The following SRCIN1 variants were observed in gnomAD, a reference collection of about 807,000 sequenced individuals.
The protein encoded by SRCIN1 is P130Cas-associated protein.
A neutral mutation model predicts 116.2 loss-of-function variants in SRCIN1; 50 were observed. The ratio of observed to expected loss-of-function variants is 0.43; its 90% CI spans 0.34 to 0.54. The LOEUF is 0.54. SRCIN1 is among the 20% of genes least tolerant of loss of function. The probability of loss-of-function intolerance (pLI) is 0.02; values close to 1 mark genes in which losing one functional copy is unlikely to be tolerated. For missense variants in SRCIN1, 1,446 were observed against 1,672.0 expected, an observed-to-expected ratio of 0.86 and a Z score of 2.36; for synonymous variants, 736 against 750.0, an observed-to-expected ratio of 0.98 and a Z score of 0.30.
chr17:38,581,970 A>C (rs577187355), intron 1 of SRCIN1, among the ~76,000 whole-genome samples: 2 of 152,040 alleles, frequency 1.3e-5, no homozygotes, highest in East Asian at 1.9e-4. Flanking sequence ...GAAGGAGGGG[A>C]CCCTCTGAGG....
In SRCIN1 at chr17:38,559,724, G is replaced by T; in HGVS notation, c.1886C>A (p.Pro629Gln). 6.4e-7 allele frequency: 1 copy of T among 1,563,490 alleles called. No homozygotes were observed. The highest frequency in any genetic ancestry group is 2.3e-5 in the East Asian group (1 of 43,302). The change falls in exon 10 of 19, where the codon CCG (proline) becomes CAG (glutamine). Residue 629 changes from proline (P) to glutamine (Q), a missense_variant. By Grantham distance (76) the Pro-to-Gln change is moderately conservative. Around this residue, in one of 5 missense-constraint regions of SRCIN1, gnomAD observed 398 missense variants for 385.6 expected, o/e 1.03. Transcript: ENST00000617146. ...GGTGCTGCTGGCCGAGGGCGGGGGC[G>T]GGCCGGACACCGGGGTGGCCCCGCT... ...RSSGATPVSG[P>Q]PPPSASSTPA...
rs771351337 is a variant in SRCIN1 at position 38,560,044 on chromosome 17, GT to G, written c.1837+9del. The G allele has an allele frequency of 6.4e-7, 1 of 1,553,684 alleles. No homozygotes were observed. The highest frequency in any genetic ancestry group is 2.4e-5 in the East Asian group (1 of 41,472). On this transcript the variant is annotated intron_variant, in intron 9 of 18. Coordinates refer to ENST00000617146, the MANE Select transcript of SRCIN1 (RefSeq NM_025248.3). The stretch of plus-strand genomic sequence containing the variant: ...GAGAACAAGGATGGGGGAGGGGGAG[GT>G]TCACTCACGTGCTGAGGGGGTGGCT...
chr17:38,552,325 G>T lies in SRCIN1; in HGVS notation c.2480+122C>A. ...GCAGGGGTCACAGGGCAGAGCTGAG[G>T]TGCCAGTCCAGTCGGCACGCCAGTG... On this transcript the variant is annotated intron_variant, in intron 13 of 18. Coordinates refer to ENST00000617146, the MANE Select transcript of SRCIN1 (RefSeq NM_025248.3). This position sits in a 1 kb window ranked among gnomAD's most constrained non-coding sequence, Gnocchi z 5.3. 1 of 1,441,018 alleles carries T rather than the reference G, an allele frequency of 6.9e-7. No homozygotes were observed. The highest frequency in any genetic ancestry group is 9.2e-7 in the Non-Finnish European group (1 of 1,083,900). 89.3% of individuals were successfully genotyped at this position (1,441,018 alleles called of 1,614,324 possible).
chr17:38,605,849 G>T lies in SRCIN1; in HGVS notation c.-144C>A. 3 of 168,382 alleles carry T rather than the reference G, an allele frequency of 1.8e-5. No homozygotes were observed. Among genetic ancestry groups the T allele is most frequent in the Non-Finnish European group, 1.2e-5 (1 of 85,432 alleles). The allele number at this position is 168,382 out of a possible 1,614,324, so 10.4% of individuals were successfully genotyped here. On this transcript the variant is annotated 5_prime_UTR_variant, in exon 1 of 19. Coordinates refer to ENST00000617146, the MANE Select transcript of SRCIN1 (RefSeq NM_025248.3). ...CGGGGGCGCGGGCCCCGCCGGGGTG[G>T]ACCAGCTGGGAGGGCGCCGGCGGCC... is the stretch of plus-strand genomic sequence containing the variant.
chr17:38,593,915 A>G (rs1170276801), intron 1 of SRCIN1, among the ~76,000 whole-genome samples: 3 of 152,110 alleles, frequency 2.0e-5, no homozygotes, highest in African/African-American at 7.2e-5. Context: ...CTTTTCCAAA[A>G]CCCATCCACA....
Position 38,558,661 on chromosome 17 carries a change from A to G in SRCIN1, c.2026-259T>C, listed in dbSNP as rs1905979015. On this transcript the variant is annotated intron_variant, in intron 10 of 18. Transcript: ENST00000617146. This position sits in a 1 kb window ranked among gnomAD's most constrained non-coding sequence, Gnocchi z 4.6. The stretch of plus-strand genomic sequence containing the variant: ...AGGAGAACGGATGGGGATCGTGGAG[A>G]GGGGAGCGTTAAAATGGGCCATGCA... 6.6e-6 allele frequency among the ~76,000 whole-genome samples: 1 copy of G among 151,006 alleles called. No homozygotes were observed. The highest frequency in any genetic ancestry group is 6.6e-5 in the Admixed American group (1 of 15,230).
rs1246531420 is a variant in SRCIN1, at chr17:38,551,147, C to A, written c.2962+8G>T. ...TGGGCTCCTTACCAGCCCTACTACT[C>A]CCCATACCTGAGCCCCTCCTCCCAC... is the stretch of plus-strand genomic sequence containing the variant. On this transcript the variant is annotated splice_region_variant and intron_variant, in intron 15 of 18. Transcript: ENST00000617146. 4 of 1,448,494 alleles carry A rather than the reference C, an allele frequency of 2.8e-6. No homozygotes were observed. The highest frequency in any genetic ancestry group is 3.8e-6 in the Non-Finnish European group (4 of 1,059,370). The allele number at this position is 1,448,494 out of a possible 1,614,324, so 89.7% of individuals were successfully genotyped here. A position where few individuals can be genotyped will look rare whatever the true frequency, so the allele number is the denominator to read the frequency against.
Position 38,558,161 on chromosome 17 carries a change from G to C in SRCIN1, c.2201+66C>G, listed in dbSNP as rs1038603779. The C allele has an allele frequency of 3.3e-5, 51 of 1,567,202 alleles. No individual in the cohort carries two copies. The highest frequency in any genetic ancestry group is 4.3e-5 in the Non-Finnish European group (49 of 1,151,216). ...AGGGAAGGGAGCTGCGCCTCCCAGG[G>C]AAACCAGGTTGCGGGTCACTCCAGC... is the stretch of plus-strand genomic sequence containing the variant. On this transcript the variant is annotated intron_variant, in intron 11 of 18. Transcript: ENST00000617146. The surrounding 1 kb of genome is among the most constrained non-coding windows in gnomAD (Gnocchi z 4.6).
At chr17:38,541,488 C>T (rs1280787736) in intron 18 of SRCIN1, 3 of 152,092 alleles carry the variant, frequency 2.0e-5, no homozygotes, top group East Asian at 3.9e-4. Context: ...CACACGCATT[C>T]GAGGAGCCTG....
At chr17:38,574,343 G>A (rs1020871250) in intron 2 of SRCIN1, among the ~76,000 whole-genome samples, 5 of 152,236 alleles carry the variant, frequency 3.3e-5, no homozygotes, top group Non-Finnish European at 5.9e-5. Flanking sequence ...GCCTGATGAG[G>A]AAGAGGGGAA....
intron 1 of SRCIN1, among the ~76,000 whole-genome samples, chr17:38,590,047 T>A (rs948438501): frequency 3.3e-5 from 5 of 152,096 alleles, no homozygotes; most frequent in Non-Finnish European, 7.4e-5. Flanking sequence ...AGCTCTCCCA[T>A]CAGAGCAGCA....
Position 38,558,551 on chromosome 17 carries a change from CG to C in SRCIN1, c.2026-150del, listed in dbSNP as rs1045564229. ...TGCTTGGCTCCGCCTCAGGCAGCAG[CG>C]AAGGGGTGGGATGGCGAAGGGCAGG... On this transcript the variant is annotated intron_variant, in intron 10 of 18. Coordinates refer to ENST00000617146, the MANE Select transcript of SRCIN1 (RefSeq NM_025248.3). This position sits in a 1 kb window ranked among gnomAD's most constrained non-coding sequence, Gnocchi z 4.6. 3.7e-6 allele frequency: 3 copies of C among 816,422 alleles called. No homozygotes were observed. In the African/African-American group the frequency reaches 5.5e-5, roughly 15 times the overall value. 50.6% of individuals were successfully genotyped at this position (816,422 alleles called of 1,614,324 possible). A position where few individuals can be genotyped will look rare whatever the true frequency, so the allele number is the denominator to read the frequency against.
At chr17:38,581,447 T>G (rs1034581914) in intron 1 of SRCIN1, among the ~76,000 whole-genome samples, 2 of 145,492 alleles carry the variant, frequency 1.4e-5, no homozygotes, top group African/African-American at 5.1e-5. Flanking sequence ...AAAAAAAGTG[T>G]GAGCCACCAC....
chr17:38,535,082 T>C (rs948135538), intron 18 of SRCIN1, among the ~76,000 whole-genome samples: 2 of 152,102 alleles, frequency 1.3e-5, no homozygotes, highest in Admixed American at 1.3e-4. Context: ...CAGTGAGCCA[T>C]GACTGCACCA....
chr17:38,536,408 GCAAGGCAGAAACCTCACACATGT>G (rs1904382404), intron 18 of SRCIN1, among the ~76,000 whole-genome samples: 2 of 152,352 alleles, frequency 1.3e-5, no homozygotes, highest in Admixed American at 1.3e-4. Context: ...TACCTTCGTG[GCAAGGCAGAAACCTCACACATGT>G]CCAGCTTTCA....
chr17:38,566,832 C>T (rs1906712872), intron 3 of SRCIN1, among the ~76,000 whole-genome samples: 1 of 140,894 alleles, frequency 7.1e-6, no homozygotes, highest in African/African-American at 2.8e-5. Context: ...GAACATGCAT[C>T]CTCTCGTGTT....
At chr17:38,579,089 C>T (rs558240427) in intron 1 of SRCIN1, among the ~76,000 whole-genome samples, 53 of 152,176 alleles carry the variant, frequency 3.5e-4, no homozygotes, top group Non-Finnish European at 6.2e-4. Flanking sequence ...CCTTTGAGGC[C>T]AAGGGTTGGG....
At chr17:38,569,652 C>T (rs1173296729) in intron 2 of SRCIN1, among the ~76,000 whole-genome samples, 1 of 152,158 alleles carries the variant, frequency 6.6e-6, no homozygotes, top group African/African-American at 2.4e-5. Context: ...CCCCAGCATT[C>T]ACGCTAGAAA....
At chr17:38,601,710 G>C (rs936093587) in intron 1 of SRCIN1, among the ~76,000 whole-genome samples, 2 of 151,980 alleles carry the variant, frequency 1.3e-5, no homozygotes, top group Admixed American at 1.3e-4. Context: ...GCCCTTCCTG[G>C]ACTCTGACAA....
Sources: allele counts gnomAD v4.1 joint callset (sites outside exome capture counted in the v4.1 genomes callset), GRCh38; gene constraint gnomAD v4.1.1; regional missense constraint gnomAD v4.1.1; non-coding constraint Gnocchi (gnomAD v3.1); transcripts MANE v1.5; gene names NCBI Gene and HGNC (gene_info 2026-07-23, HGNC 2026-07-21).